The following ACRBP variants were observed in gnomAD, a reference collection of about 807,000 sequenced individuals.
The protein encoded by ACRBP is acrosin binding protein.
A neutral mutation model predicts 69.0 loss-of-function variants in ACRBP; 52 were observed. The observed-to-expected ratio is 0.75, with a 90% CI of 0.60 to 0.95. The LOEUF is 0.95. Among genes scored for constraint, ACRBP ranks in the 40% least tolerant of loss-of-function variants. The pLI is 0.00. For synonymous variants in ACRBP, 267 were observed against 258.9 expected (o/e 1.03, Z -0.30); for missense variants, 604 against 673.0 (o/e 0.90, Z 1.13).
chr12:6,645,109 C>A, intron 4 of ACRBP, 111 bp downstream of exon 4: 1 of 830,456 alleles, frequency 1.2e-6, no homozygotes, highest in Non-Finnish European at 1.9e-6. Context: ...CTGCTGGCGC[C>A]CCCTTCCCGC....
rs757645652 is a variant in ACRBP at position 6,639,083 on chromosome 12, C to T, written c.1426-46G>A. ...AGGGAAGAGGGTATCAGAAGCCTCA[C>T]CAGGCAGCAGCACTCCAGGGAATAT... On this transcript the variant is annotated intron_variant, in intron 8 of 9. Transcript: ENST00000229243. 4 of 1,547,700 alleles carry T rather than the reference C, an allele frequency of 2.6e-6. No homozygotes were observed. In the East Asian group the frequency reaches 6.7e-5, roughly 26 times the overall value.
intron 9 of ACRBP, chr12:6,638,621 G>C (rs569900017): frequency 7.8e-7 from 1 of 1,282,720 alleles, no homozygotes; most frequent in Admixed American, 2.9e-5. Flanking sequence ...CTGAGGCTCA[G>C]AGGGGGAAGT....
chr12:6,645,589 G>C (rs1206960074), intron 3 of ACRBP, among the ~76,000 whole-genome samples: 3 of 151,946 alleles, frequency 2.0e-5, no homozygotes, highest in Middle Eastern at 3.2e-3. Context: ...TCGAAGAAAC[G>C]TAAGGGCTTA....
Position 6,638,977 on chromosome 12 carries a change from GAC to G in ACRBP, c.1484_1485del (p.Cys495SerfsTer18). The G allele has an allele frequency of 1.2e-6, 2 of 1,614,180 alleles. No homozygotes were observed. Among genetic ancestry groups the G allele is most frequent in the South Asian group, 2.2e-5 (2 of 91,084 alleles). The part of the protein sequence containing the change: ...PNYCSFKSQQ[C>X]LMRNRNRKVS... ...ACCTTCCGATTGCGGTTTCTCATCA[GAC>G]ACTGCTGGCTTTTGAAGGAACAGTA... On this transcript the variant is annotated frameshift_variant, in exon 9 of 10. Coordinates refer to ENST00000229243, the MANE Select transcript of ACRBP (RefSeq NM_032489.3). LOFTEE classifies it high-confidence loss of function.
intron 6 of ACRBP, among the ~76,000 whole-genome samples, chr12:6,641,480 G>A (rs1196021805): frequency 2.6e-5 from 4 of 152,068 alleles, no homozygotes; most frequent in Non-Finnish European, 4.4e-5. Context: ...GAGTTTTTGC[G>A]TCATGACCCT....
intron 1 of ACRBP, 134 bp downstream of exon 1, chr12:6,647,190 G>A (rs746847904): frequency 1.2e-4 from 141 of 1,173,626 alleles, no homozygotes; most frequent in Non-Finnish European, 1.6e-4. Context: ...GGAGATGGGA[G>A]TATCCCAGGA....
intron 8 of ACRBP, among the ~76,000 whole-genome samples, chr12:6,639,675 A>G (rs1459299785): frequency 6.6e-6 from 1 of 152,260 alleles, no homozygotes; most frequent in Admixed American, 6.5e-5. Context: ...GAAGCCCGTC[A>G]GGCTAAGGCC....
chr12:6,646,399 C>T, intron 3 of ACRBP, 84 bp downstream of exon 3: 1 of 1,289,510 alleles, frequency 7.8e-7, no homozygotes, highest in Non-Finnish European at 1.1e-6. Context: ...GATGACTCTC[C>T]TGGAACCCTT....
At position 6,643,568 on chromosome 12, in the gene ACRBP, C is replaced by G; in HGVS notation, c.1048G>C (p.Glu350Gln). Reference sequence around the variant, plus strand: ...TTCCCGAAACCAAGGATCTCCTCCTCCATGTACTTCCAGGCCTTGGCTGTG... The same window carrying G: ...TTCCCGAAACCAAGGATCTCCTCCTGCATGTACTTCCAGGCCTTGGCTGTG... ...TPTAKAWKYM[E>Q]EEILGFGKSV... The change falls in exon 6 of 10, where the codon GAG becomes CAG. Residue 350 changes from glutamate to glutamine, a missense_variant. Glu to Gln is a conservative substitution (Grantham distance 29). Around this residue, in one of 3 missense-constraint regions of ACRBP, gnomAD observed 532 missense variants for 562.9 expected, o/e 0.95. Coordinates refer to ENST00000229243, the MANE Select transcript of ACRBP (RefSeq NM_032489.3). 6.2e-7 allele frequency: 1 copy of G among 1,614,252 alleles called. No individual in the cohort carries two copies. Among genetic ancestry groups the G allele is most frequent in the Admixed American group, 1.7e-5 (1 of 60,026 alleles).
chr12:6,643,457 C>G (rs1481143782), intron 6 of ACRBP, 82 bp downstream of exon 6: 5 of 1,552,190 alleles, frequency 3.2e-6, no homozygotes, highest in Non-Finnish European at 4.4e-6. Context: ...CCTGCCCATC[C>G]TCCACTCCCA....
chr12:6,639,929 TCA>T, intron 8 of ACRBP, 129 bp downstream of exon 8: 1 of 1,118,358 alleles, frequency 8.9e-7, no homozygotes, highest in Non-Finnish European at 1.3e-6. Context: ...GGCAGGAGAT[TCA>T]GTGAGGACGG....
intron 6 of ACRBP, among the ~76,000 whole-genome samples, chr12:6,641,023 C>T (rs1196785048): frequency 1.3e-5 from 2 of 152,200 alleles, no homozygotes; most frequent in Non-Finnish European, 2.9e-5. Flanking sequence ...AGCAGAGATA[C>T]TAATATTACT....
At chr12:6,647,142 G>A (rs951868046) in intron 1 of ACRBP, 130 bp from the exon 2 acceptor site, 3 of 1,104,362 alleles carry the variant, frequency 2.7e-6, no homozygotes, top group African/African-American at 1.6e-5. Flanking sequence ...GGCGGGGGGA[G>A]TCTAGAGACA....
At chr12:6,638,561 G>A in intron 9 of ACRBP, 157 bp from the exon 10 acceptor site, 1 of 1,253,710 alleles carries the variant, frequency 8.0e-7, no homozygotes, top group South Asian at 1.3e-5. Context: ...GGTTTTTAAA[G>A]CCAGAGGAGA....
rs537055571 is a variant in ACRBP, at chr12:6,640,034, G to A, written c.1425+26C>T. 1 of 1,613,192 alleles carries A rather than the reference G, an allele frequency of 6.2e-7. No individual in the cohort carries two copies. Among genetic ancestry groups the A allele is most frequent in the African/African-American group, 1.3e-5 (1 of 75,056 alleles). On this transcript the variant is annotated intron_variant, in intron 8 of 9. Transcript: ENST00000229243. This position sits in a 1 kb window ranked among gnomAD's most constrained non-coding sequence, Gnocchi z 5.3. ...GGAATGGGGTGAGGGTAGGGATGGG[G>A]CTGAGCTTTGGGGAAAGGTTCTAAC...
Position 6,644,604 on chromosome 12 carries a change from C to T in ACRBP, c.477G>A (p.Val159=), listed in dbSNP as rs1949075381. Residue 159 remains valine, a splice_region_variant and synonymous_variant, in exon 5 of 10, where the codon GTG becomes GTA. Transcript: ENST00000229243. The stretch of plus-strand genomic sequence containing the variant: ...AGGGCTGGAAGGTCTGGCGTTCTGT[C>T]ACTACAGCAGGGTTTAGAGAGAAGG... ...MTSPISPHFT[V]TERQTFQPWP... 4.3e-6 allele frequency: 7 copies of T among 1,610,528 alleles called. No individual in the cohort carries two copies. The highest frequency in any genetic ancestry group is 5.9e-6 in the Non-Finnish European group (7 of 1,178,364).
Position 6,646,559 on chromosome 12 carries a change from A to T in ACRBP, c.281T>A (p.Leu94His), listed in dbSNP as rs1201963869. Reference sequence around the variant, plus strand: ...AGACTCAAACCAGGAGGCATAAGGGAGGTTGGAGCAGACAGCACCTGAGAA... The same window carrying T: ...AGACTCAAACCAGGAGGCATAAGGGTGGTTGGAGCAGACAGCACCTGAGAA... ...LVPDGAVCSN[L>H]PYASWFESFC... Residue 94 changes from leucine to histidine, a missense_variant, in exon 3 of 10, where the codon CTC becomes CAC. Leu to His is a moderately conservative substitution (Grantham distance 99, BLOSUM62 -3). Transcript: ENST00000229243. 6.2e-7 allele frequency: 1 copy of T among 1,613,916 alleles called. No homozygotes were observed. Among genetic ancestry groups the T allele is most frequent in the East Asian group, 2.2e-5 (1 of 44,870 alleles).
At chr12:6,646,125 A>ATTT (rs59626834) in intron 3 of ACRBP, among the ~76,000 whole-genome samples, 3,570 of 121,364 alleles carry the variant, frequency 0.029, 139 homozygotes, top group African/African-American at 0.088. Flanking sequence ...AAGCCCGGCT[A>ATTT]TTTTTTTTTT....
Position 6,643,565 on chromosome 12 carries a change from C to T in ACRBP, c.1051G>A (p.Glu351Lys). The T allele has an allele frequency of 6.2e-7, 1 of 1,614,230 alleles. No homozygotes were observed. Among genetic ancestry groups the T allele is most frequent in the Non-Finnish European group, 8.5e-7 (1 of 1,180,038 alleles). The change falls in exon 6 of 10, where the codon GAG becomes AAG. Residue 351 changes from glutamate (E) to lysine (K), a missense_variant. Around this residue, in one of 3 missense-constraint regions of ACRBP, gnomAD observed 532 missense variants for 562.9 expected, o/e 0.95. Coordinates refer to ENST00000229243, the MANE Select transcript of ACRBP (RefSeq NM_032489.3). ...GACTTCCCGAAACCAAGGATCTCCT[C>T]CTCCATGTACTTCCAGGCCTTGGCT... ...PTAKAWKYME[E>K]EILGFGKSVC... is the part of the protein sequence containing the mutation.
Sources: allele counts gnomAD v4.1 joint callset (sites outside exome capture counted in the v4.1 genomes callset), GRCh38; gene constraint gnomAD v4.1.1; regional missense constraint gnomAD v4.1.1; non-coding constraint Gnocchi (gnomAD v3.1); transcripts MANE v1.5; gene names NCBI Gene and HGNC (gene_info 2026-07-23, HGNC 2026-07-21).